Variants in SF1 observed in about 807,000 individuals in gnomAD.
SF1 encodes the protein branch point-binding protein.
A neutral mutation model predicts 62.5 loss-of-function variants in SF1; 7 were observed. The ratio of observed to expected loss-of-function variants is 0.11; its 90% confidence interval spans 0.06 to 0.21. The LOEUF is 0.21. Among genes scored for constraint, SF1 ranks in the 10% least tolerant of loss-of-function variants. The pLI is 1.00. For synonymous variants in SF1, 394 were observed against 323.6 expected (o/e 1.22, Z -2.33); for missense variants, 578 against 884.0 (o/e 0.65, Z 4.39).
intron 3 of SF1, chr11:64,771,362 T>G (rs1938296983): frequency 5.6e-6 from 4 of 719,816 alleles, no homozygotes; most frequent in Non-Finnish European, 6.8e-6. Context: ...GACCATAGCT[T>G]GATATTCTGA....
At chr11:64,776,847 A>G (rs1035293511) in intron 1 of SF1, among the ~76,000 whole-genome samples, 1 of 152,170 alleles carries the variant, frequency 6.6e-6, no homozygotes, top group African/African-American at 2.4e-5. Context: ...GCAAGTTAAC[A>G]TTTCACCTTC....
chr11:64,771,741 T>C, intron 3 of SF1: 1 of 985,402 alleles, frequency 1.0e-6, no homozygotes, highest in Non-Finnish European at 1.2e-6. Flanking sequence ...AGAAAAGTTT[T>C]AAACATGTTT....
Position 64,765,379 on chromosome 11 carries a change from CA to C in SF1, c.*438del. ...AGCCAGCGTGTTCCGATTCCGTCCACAAAAATAACTCAGGCTGCTTTGCCGA... is the reference window on the plus strand; with the variant it reads ...AGCCAGCGTGTTCCGATTCCGTCCACAAAATAACTCAGGCTGCTTTGCCGA... On this transcript the variant is annotated 3_prime_UTR_variant, in exon 13 of 13. Coordinates refer to ENST00000377390, the MANE Select transcript of SF1 (RefSeq NM_004630.4). 9.0e-7 allele frequency: 1 copy of C among 1,113,412 alleles called. No individual in the cohort carries two copies. Among genetic ancestry groups the C allele is most frequent in the Non-Finnish European group, 1.4e-6 (1 of 738,324 alleles). The allele number at this position is 1,113,412 out of a possible 1,614,324, so 69.0% of individuals were successfully genotyped here.
chr11:64,773,494 T>C lies in SF1; in HGVS notation c.172A>G (p.Ile58Val). ...CGCAGTTTACGAGTCAGGTCTTCTA[T>C]CTGCAGTTGCACTGGAAGAAACCAG... ...QERAYIVQLQ[I>V]EDLTRKLRTG... The change falls in exon 3 of 13, where the codon ATA becomes GTA. Residue 58 changes from isoleucine (I) to valine (V), a missense_variant. Coordinates refer to ENST00000377390, the MANE Select transcript of SF1 (RefSeq NM_004630.4). 6.2e-7 allele frequency: 1 copy of C among 1,612,914 alleles called. No homozygotes were observed. Among genetic ancestry groups the C allele is most frequent in the Non-Finnish European group, 8.5e-7 (1 of 1,179,658 alleles).
intron 1 of SF1, 46 bp downstream of exon 1, chr11:64,778,316 C>G: frequency 1.6e-6 from 2 of 1,223,336 alleles, no homozygotes; most frequent in Non-Finnish European, 2.0e-6. Context: ...CTCGAAGCCT[C>G]CTTTGGGCCC....
chr11:64,766,929 G>C lies in SF1; in HGVS notation c.1553C>G (p.Ala518Gly), dbSNP rs1189078340. 7.0e-7 allele frequency: 1 copy of C among 1,418,514 alleles called. No individual in the cohort carries two copies. Among genetic ancestry groups the C allele is most frequent in the Non-Finnish European group, 9.3e-7 (1 of 1,078,328 alleles). The allele number at this position is 1,418,514 out of a possible 1,614,324, so 87.9% of individuals were successfully genotyped here. ...CTGCCATGGCAAGGGGGTACTGGAAGCCATACTGCTGCTGGGCGGAGGGGG... is the reference window on the plus strand; with the variant it reads ...CTGCCATGGCAAGGGGGTACTGGAACCCATACTGCTGCTGGGCGGAGGGGG... The part of the protein sequence containing the change: ...PPPPPPSSSM[A>G]SSTPLPWQQN... The change falls in exon 12 of 13, where the codon GCT becomes GGT. Residue 518 changes from alanine to glycine, a missense_variant. Around this residue, in one of 7 missense-constraint regions of SF1, gnomAD observed 410 missense variants for 452.4 expected, o/e 0.91. Transcript: ENST00000377390.
intron 12 of SF1, 24 bp downstream of exon 12, chr11:64,766,876 A>G (rs769753892): frequency 6.3e-6 from 1 of 159,408 alleles, no homozygotes; most frequent in Non-Finnish European, 1.1e-5. Flanking sequence ...ACCCACCCCC[A>G]CAAGCCCAAA....
At chr11:64,771,902 T>C (rs1465643787) in intron 3 of SF1, 25 of 985,302 alleles carry the variant, frequency 2.5e-5, no homozygotes, top group Non-Finnish European at 2.9e-5. Flanking sequence ...AGGGCCTCTT[T>C]CAAAACTGAA....
intron 2 of SF1, among the ~76,000 whole-genome samples, chr11:64,774,363 G>A (rs1938807942): frequency 6.6e-6 from 1 of 152,178 alleles, no homozygotes; most frequent in Non-Finnish European, 1.5e-5. Flanking sequence ...CACAAAAGTT[G>A]CCAGTGACGC....
In SF1 at chr11:64,778,105, G is replaced by A. The variant is rs904836291; in HGVS notation, c.31+257C>T. 72 of 892,540 alleles carry A rather than the reference G, an allele frequency of 8.1e-5. 1 individual carries two copies. In the Admixed American group the frequency reaches 3.8e-3, roughly 47 times the overall value. The allele number at this position is 892,540 out of a possible 1,614,324, so 55.3% of individuals were successfully genotyped here. A position where few individuals can be genotyped will look rare whatever the true frequency, so the allele number is the denominator to read the frequency against. On this transcript the variant is annotated intron_variant, in intron 1 of 12. Coordinates refer to ENST00000377390, the MANE Select transcript of SF1 (RefSeq NM_004630.4). ...GCGGAGGGGGCGGCTGCGGCGGCGG[G>A]TACGAGGCGCCGGGGGACGGTGGCG...
chr11:64,777,452 A>C, intron 1 of SF1: 1 of 973,750 alleles, frequency 1.0e-6, no homozygotes, highest in Non-Finnish European at 1.2e-6. Context: ...TCTCCCCAAA[A>C]GAGACCAAGA....
chr11:64,769,765 A>G (rs1403244448), intron 5 of SF1, 156 bp from the exon 6 acceptor site: 12 of 772,476 alleles, frequency 1.6e-5, no homozygotes, highest in Middle Eastern at 2.8e-4. Context: ...GGTCAGCCAC[A>G]GTAAACCTGA....
intron 1 of SF1, chr11:64,777,988 T>C: frequency 2.0e-6 from 2 of 994,138 alleles, no homozygotes; most frequent in Non-Finnish European, 2.4e-6. Context: ...CCGACTCACC[T>C]CCTCCGCCGC....
intron 4 of SF1, 62 bp downstream of exon 4, chr11:64,770,194 C>A: frequency 6.3e-7 from 1 of 1,586,564 alleles, no homozygotes; most frequent in Non-Finnish European, 8.6e-7. Flanking sequence ...CTGTCCCATC[C>A]CAGCAGGTCA....
At chr11:64,767,955 G>GAGAAGTCCCCA (rs1937626054) in intron 9 of SF1, 111 bp from the exon 10 acceptor site, 1 of 1,480,814 alleles carries the variant, frequency 6.8e-7, no homozygotes, top group African/African-American at 1.4e-5. Context: ...TTCCCGAAGT[G>GAGAAGTCCCCA]AGAAGTCCCC....
At position 64,770,073 on chromosome 11, in the gene SF1, G is replaced by A. The variant is rs761348896; in HGVS notation, c.390-20C>T. The A allele has an allele frequency of 1.9e-6, 3 of 1,602,538 alleles. No homozygotes were observed. In the Admixed American group the frequency reaches 5.0e-5, roughly 27 times the overall value. On this transcript the variant is annotated intron_variant, in intron 4 of 12. Coordinates refer to ENST00000377390, the MANE Select transcript of SF1 (RefSeq NM_004630.4). ...GGAGGTCTAAGAAAGAAAAGCCTGTGTCACCGCACATTTCTGGAGAATGAC... is the reference window on the plus strand; with the variant it reads ...GGAGGTCTAAGAAAGAAAAGCCTGTATCACCGCACATTTCTGGAGAATGAC...
chr11:64,777,675 T>C, intron 1 of SF1: 1 of 985,528 alleles, frequency 1.0e-6, no homozygotes, highest in Non-Finnish European at 1.2e-6. Context: ...CCGCCACCCC[T>C]GTTCCCGACA....
At position 64,776,620 on chromosome 11, in the gene SF1, G is replaced by A. The variant is rs747988314; in HGVS notation, c.38C>T (p.Pro13Leu). The change falls in exon 2 of 13, where the codon CCA (proline) becomes CTA (leucine). Residue 13 changes from proline to leucine, a missense_variant. Coordinates refer to ENST00000377390, the MANE Select transcript of SF1 (RefSeq NM_004630.4). ...TGANATPLDF[P>L]SKKRKRSRWN... ...GCGGCTCCTCTTCCGCTTCTTACTT[G>A]GGAAGTCTAAAAGGCAGAGACAAAA... 1 of 1,601,006 alleles carries A rather than the reference G, an allele frequency of 6.2e-7. No homozygotes were observed. The highest frequency in any genetic ancestry group is 1.8e-5 in the Admixed American group (1 of 55,966).
chr11:64,771,357 T>G, intron 3 of SF1: 1 of 685,870 alleles, frequency 1.5e-6, no homozygotes, highest in South Asian at 6.5e-5. Context: ...AAAAGGACCA[T>G]AGCTTGATAT....
Sources: gnomAD v4.1 joint callset for allele counts (sites outside exome capture counted in the v4.1 genomes callset) on GRCh38, gnomAD v4.1.1 for gene constraint, gnomAD v4.1.1 regional missense constraint, MANE v1.5 for transcripts, NCBI Gene and HGNC (gene_info 2026-07-23, HGNC 2026-07-21) for gene names.